CCDC148: variants seen among roughly 807,000 people sequenced by gnomAD.
CCDC148 encodes the protein coiled-coil domain-containing protein 148.
In CCDC148, 89 loss-of-function variants were observed where a neutral mutation model predicts 85.7. The observed-to-expected ratio is 1.04, with a 90% confidence interval of 0.87 to 1.24. CCDC148 has a LOEUF of 1.24. Ranked by LOEUF, CCDC148 falls within the 50% of genes most tolerant of loss-of-function variation. The pLI is 0.00. For synonymous variants in CCDC148, 230 were observed against 213.9 expected (o/e 1.08, Z -0.66); for missense variants, 692 against 671.7 (o/e 1.03, Z -0.33).
chr2:158,260,826 A>G (rs1415227642), intron 9 of CCDC148, among the ~76,000 whole-genome samples: 1 of 152,018 alleles, frequency 6.6e-6, no homozygotes, highest in Admixed American at 6.6e-5. Flanking sequence ...AAAGATCTCT[A>G]CAATGAGAAT....
intron 1 of CCDC148, among the ~76,000 whole-genome samples, chr2:158,446,437 G>C (rs1462523308): frequency 3.3e-5 from 5 of 151,810 alleles, no homozygotes; most frequent in African/African-American, 9.7e-5. Flanking sequence ...GCTTCTCTGA[G>C]GTCAACTAGT....
intron 9 of CCDC148, among the ~76,000 whole-genome samples, chr2:158,282,812 C>T (rs1343885894): frequency 6.6e-6 from 1 of 152,154 alleles, no homozygotes. Flanking sequence ...AAAGAGCCCA[C>T]ATCGCCAAGT....
At chr2:158,386,179 T>C (rs959926590) in intron 1 of CCDC148, among the ~76,000 whole-genome samples, 4 of 152,094 alleles carry the variant, frequency 2.6e-5, no homozygotes, top group Non-Finnish European at 2.9e-5. Context: ...GTTGCATACA[T>C]TATAACACTA....
intron 10 of CCDC148, among the ~76,000 whole-genome samples, chr2:158,223,263 CTGGG>C (rs1356725375): frequency 6.6e-6 from 1 of 152,282 alleles, no homozygotes; most frequent in East Asian, 1.9e-4. Context: ...AGCAGCGAGG[CTGGG>C]GGAGGGACAC....
intron 9 of CCDC148, among the ~76,000 whole-genome samples, chr2:158,251,952 A>G (rs1435939990): frequency 2.0e-5 from 3 of 151,764 alleles, no homozygotes; most frequent in Non-Finnish European, 4.4e-5. Flanking sequence ...CATTTTTTCA[A>G]TAAGTATTTA....
chr2:158,328,218 G>C (rs145236514), intron 7 of CCDC148, among the ~76,000 whole-genome samples: 17,937 of 151,904 alleles, frequency 0.12, 1,627 homozygotes, highest in African/African-American at 0.26. Flanking sequence ...CTGTGTCCAT[G>C]TGTTCTCATT....
chr2:158,340,647 G>A lies in CCDC148; in HGVS notation c.285C>T (p.Leu95=), dbSNP rs370319885. 36 of 1,587,816 alleles carry A rather than the reference G, an allele frequency of 2.3e-5. No individual in the cohort carries two copies. In the African/African-American group the frequency reaches 2.6e-4, roughly 11 times the overall value. Residue 95 remains leucine (L), a synonymous_variant, in exon 4 of 14, where the codon CTC becomes CTT. Transcript: ENST00000283233. The part of the protein sequence containing the change: ...CKMESEIKSL[L]NEENIGNECL... Reference sequence around the variant, plus strand: ...ATTCATTTCCAATGTTCTCTTCATTGAGAAGGGATTTTATTTCAGATTCCA... The same window carrying A: ...ATTCATTTCCAATGTTCTCTTCATTAAGAAGGGATTTTATTTCAGATTCCA...
chr2:158,328,342 C>A (rs1467563160), intron 7 of CCDC148, among the ~76,000 whole-genome samples: 2 of 152,136 alleles, frequency 1.3e-5, no homozygotes, highest in Admixed American at 6.5e-5. Flanking sequence ...AGGACATGAA[C>A]TCATCATTTT....
intron 2 of CCDC148, among the ~76,000 whole-genome samples, chr2:158,352,507 G>A (rs1268660872): frequency 2.6e-5 from 4 of 152,054 alleles, no homozygotes; most frequent in East Asian, 1.9e-4. Flanking sequence ...GAAATGAAGC[G>A]AGAAGGGAAG....
At chr2:158,383,047 C>T (rs1433212932) in intron 1 of CCDC148, among the ~76,000 whole-genome samples, 2 of 151,748 alleles carry the variant, frequency 1.3e-5, no homozygotes, top group Non-Finnish European at 2.9e-5. Flanking sequence ...TGCCTGTAAT[C>T]CCAGCATTCT....
rs987394609 is a variant in CCDC148, at chr2:158,171,866, T to C, written c.*247A>G. ...GTAGTTTACTAAATTATAGTATAAGTACTATATGTGCCATAATTAAGTTCC... is the reference window on the plus strand; with the variant it reads ...GTAGTTTACTAAATTATAGTATAAGCACTATATGTGCCATAATTAAGTTCC... On this transcript the variant is annotated 3_prime_UTR_variant, in exon 14 of 14. Coordinates refer to ENST00000283233, the MANE Select transcript of CCDC148 (RefSeq NM_138803.4). 4 of 311,636 alleles carry C rather than the reference T, an allele frequency of 1.3e-5. No individual in the cohort carries two copies. In the Admixed American group the frequency reaches 1.6e-4, roughly 12 times the overall value. 19.3% of individuals were successfully genotyped at this position (311,636 alleles called of 1,614,324 possible). A position where few individuals can be genotyped will look rare whatever the true frequency, so the allele number is the denominator to read the frequency against.
intron 7 of CCDC148, among the ~76,000 whole-genome samples, chr2:158,322,095 G>A (rs1391006661): frequency 6.6e-6 from 1 of 152,106 alleles, no homozygotes; most frequent in Non-Finnish European, 1.5e-5. Flanking sequence ...ATTTACCAAT[G>A]CTACCAAAAG....
At chr2:158,291,609 G>A (rs147169491) in intron 9 of CCDC148, among the ~76,000 whole-genome samples, 208 of 152,130 alleles carry the variant, frequency 1.4e-3, no homozygotes, top group African/African-American at 4.7e-3. Context: ...TGCCTTCCTC[G>A]TTAGGCTATG....
intron 11 of CCDC148, among the ~76,000 whole-genome samples, chr2:158,220,216 T>C (rs1687101605): frequency 6.6e-6 from 1 of 152,230 alleles, no homozygotes; most frequent in African/African-American, 2.4e-5. Flanking sequence ...TTGTGTACTG[T>C]CTTCCCCAGC....
intron 9 of CCDC148, among the ~76,000 whole-genome samples, chr2:158,270,902 GA>G (rs773517556): frequency 6.6e-6 from 1 of 152,158 alleles, no homozygotes; most frequent in South Asian, 2.1e-4. Flanking sequence ...CCTATCAGAG[GA>G]TAGTTCCTGA....
At chr2:158,173,369 A>C (rs1394695623) in intron 13 of CCDC148, among the ~76,000 whole-genome samples, 2 of 152,074 alleles carry the variant, frequency 1.3e-5, no homozygotes, top group South Asian at 4.1e-4. Context: ...TTGCATGGCC[A>C]TGCCGAGTCT....
chr2:158,392,169 A>T (rs535288884), intron 1 of CCDC148, among the ~76,000 whole-genome samples: 1 of 152,204 alleles, frequency 6.6e-6, no homozygotes, highest in South Asian at 2.1e-4. Context: ...TCCTATATTC[A>T]TTCTTCTATT....
intron 1 of CCDC148, among the ~76,000 whole-genome samples, chr2:158,382,225 G>A (rs898575308): frequency 1.3e-5 from 2 of 152,108 alleles, no homozygotes; most frequent in African/African-American, 2.4e-5. Context: ...AATTTCTGAA[G>A]TTTATTAATT....
chr2:158,301,544 C>T (rs958842239), intron 9 of CCDC148, among the ~76,000 whole-genome samples: 5 of 152,026 alleles, frequency 3.3e-5, no homozygotes, highest in African/African-American at 7.3e-5. Context: ...TCAGGGTAGG[C>T]GGAATCACGA....
Sources: allele counts gnomAD v4.1 joint callset (sites outside exome capture counted in the v4.1 genomes callset), GRCh38; gene constraint gnomAD v4.1.1; transcripts MANE v1.5; gene names NCBI Gene and HGNC (gene_info 2026-07-23, HGNC 2026-07-21).